DNAH2: variants seen among roughly 807,000 people sequenced by gnomAD.
DNAH2 encodes the protein axonemal beta dynein heavy chain 2.
DNAH2 carries 323 observed loss-of-function variants against 523.5 expected under a neutral mutation model. The observed-to-expected ratio is 0.62, with a 90% CI of 0.56 to 0.68. DNAH2 has a LOEUF of 0.68. Ranked by LOEUF, DNAH2 falls within the 30% of genes least tolerant of loss-of-function variation. The pLI is 0.00. For missense variants in DNAH2, 4,907 were observed against 5,701.5 expected, an observed-to-expected ratio of 0.86 and a Z score of 4.49; for synonymous variants, 2,093 against 2,177.4, an observed-to-expected ratio of 0.96 and a Z score of 1.08.
In DNAH2 at chr17:7,768,068, A is replaced by G; in HGVS notation, c.3837+7A>G. 1 of 1,614,088 alleles carries G rather than the reference A, an allele frequency of 6.2e-7. No individual in the cohort carries two copies. Among genetic ancestry groups the G allele is most frequent in the Non-Finnish European group, 8.5e-7 (1 of 1,179,992 alleles). On this transcript the variant is annotated splice_region_variant and intron_variant, in intron 23 of 85. Transcript: ENST00000572933. ...ATTAGCCAAAGAGTATAAGGTGGGG[A>G]GAAACGGCGGGGAGGCGGAAGAGAA... is the stretch of plus-strand genomic sequence containing the variant.
At chr17:7,823,700 T>G (rs2077932710) in intron 74 of DNAH2, 72 bp downstream of exon 74, 2 of 1,585,806 alleles carry the variant, frequency 1.3e-6, no homozygotes, top group South Asian at 2.3e-5. Flanking sequence ...CCCTTCCCAT[T>G]GTCCTCCATC....
chr17:7,742,876 C>CCA, intron 11 of DNAH2, 52 bp from the exon 12 acceptor site: 1 of 1,246,874 alleles, frequency 8.0e-7, no homozygotes, highest in South Asian at 3.3e-5. Context: ...GATGGTGGCC[C>CCA]CTGGAGGAAG....
In DNAH2 at chr17:7,789,603, G is replaced by GTC. The variant is rs1334279233; in HGVS notation, c.6900+1362_6900+1363dup. On this transcript the variant is annotated intron_variant, in intron 44 of 85. Transcript: ENST00000572933. ...TCTTTTTTTTTTTTTTTGAGATGGA[G>GTC]TCTCACTCCTTTGCCCAGGCTGGAG... 2.1e-5 allele frequency among the ~76,000 whole-genome samples: 3 copies of GTC among 146,218 alleles called. No individual in the cohort carries two copies. In the East Asian group the frequency reaches 6.0e-4, roughly 29 times the overall value.
intron 8 of DNAH2, chr17:7,738,778 C>A: frequency 1.8e-6 from 1 of 562,608 alleles, no homozygotes; most frequent in Non-Finnish European, 3.2e-6. Flanking sequence ...GTTCTTCTCA[C>A]CTTGAGTCTT....
chr17:7,822,451 C>T (rs1004819065), intron 73 of DNAH2, among the ~76,000 whole-genome samples: 1 of 152,148 alleles, frequency 6.6e-6, no homozygotes, highest in South Asian at 2.1e-4. Flanking sequence ...GCCTACTCCC[C>T]GGCGTGTGCA....
rs2077309677 is a variant in DNAH2, at chr17:7,804,455, G to A, written c.9172G>A (p.Glu3058Lys). The A allele has an allele frequency of 1.2e-6, 2 of 1,613,516 alleles. No homozygotes were observed. The highest frequency in any genetic ancestry group is 8.5e-7 in the Non-Finnish European group (1 of 1,180,012). The stretch of plus-strand genomic sequence containing the variant: ...TGTGCAGCAGAAGCGGGAGGCAGAT[G>A]AGCAGCAGAAGGTCCAGGGCCCACG... ...IIVQQKREAD[E>K]QQKAVTANSE... Residue 3058 changes from glutamate (E) to lysine (K), a missense_variant, in exon 59 of 86, where the codon GAG becomes AAG. Glu to Lys is a moderately conservative substitution (Grantham distance 56). This residue lies in a region of DNAH2 where 1,851 missense variants were observed against 2,139.4 expected (regional missense o/e 0.87). Transcript: ENST00000572933.
At chr17:7,813,787 A>G (rs1280190848) in intron 63 of DNAH2, among the ~76,000 whole-genome samples, 1 of 152,058 alleles carries the variant, frequency 6.6e-6, no homozygotes, top group African/African-American at 2.4e-5. Context: ...GCACACCTGT[A>G]ATCCCAGCTA....
At position 7,799,178 on chromosome 17, in the gene DNAH2, A is replaced by G. The variant is rs1276054661; in HGVS notation, c.8635A>G (p.Ile2879Val). Residue 2879 changes from isoleucine (I) to valine (V), a missense_variant, in exon 56 of 86, where the codon ATT (isoleucine) becomes GTT (valine). Around this residue, in one of 3 missense-constraint regions of DNAH2, gnomAD observed 1,851 missense variants for 2,139.4 expected, o/e 0.87. Transcript: ENST00000572933. Reference protein sequence around the residue: ...ESSDSLFAYLIERVQNNLHIV... With the variant: ...ESSDSLFAYLVERVQNNLHIV... ...ATCGGACAGCCTCTTCGCCTACCTC[A>G]TTGAACGCGTGCAGAACAACCTGCA... is the stretch of plus-strand genomic sequence containing the variant. 13 of 1,614,046 alleles carry G rather than the reference A, an allele frequency of 8.1e-6. No homozygotes were observed. In the African/African-American group the frequency reaches 1.3e-4, roughly 17 times the overall value.
intron 39 of DNAH2, among the ~76,000 whole-genome samples, chr17:7,784,632 T>C (rs1206684231): frequency 6.6e-6 from 1 of 152,138 alleles, no homozygotes; most frequent in Non-Finnish European, 1.5e-5. Flanking sequence ...AAAAGGAAAA[T>C]TGATGACTAT....
chr17:7,735,284 C>T (rs2075108762), intron 7 of DNAH2, among the ~76,000 whole-genome samples: 1 of 151,604 alleles, frequency 6.6e-6, no homozygotes, highest in Non-Finnish European at 1.5e-5. Context: ...GTGCCCGCCA[C>T]CAAGCCTGGC....
rs1597565127 is a variant in DNAH2, at chr17:7,760,298, T to G, written c.2785+360T>G. 6.6e-6 allele frequency among the ~76,000 whole-genome samples: 1 copy of G among 151,162 alleles called. No individual in the cohort carries two copies. Among genetic ancestry groups the G allele is most frequent in the Non-Finnish European group, 1.5e-5 (1 of 67,824 alleles). ...CAAAGAATCACCCCGGAGGCGGAGG[T>G]TGCAGTGAGCGGAGATCATGCCACT... On this transcript the variant is annotated intron_variant, in intron 17 of 85. Transcript: ENST00000572933. The surrounding 1 kb of genome is among the most constrained non-coding windows in gnomAD (Gnocchi z 4.0).
At chr17:7,777,128 C>CAAAA (rs748410853) in intron 32 of DNAH2, among the ~76,000 whole-genome samples, 1 of 87,974 alleles carries the variant, frequency 1.1e-5, no homozygotes, top group Non-Finnish European at 2.5e-5. Context: ...GACTCTGTCT[C>CAAAA]AAAAAAAAAA....
At chr17:7,766,606 C>A in intron 22 of DNAH2, 125 bp downstream of exon 22, 17 of 586,860 alleles carry the variant, frequency 2.9e-5, no homozygotes, top group East Asian at 4.7e-5. Flanking sequence ...TTGTTTGTTT[C>A]AGTTGAGGTA....
rs2076743353 is a variant in DNAH2 at position 7,786,662 on chromosome 17, C to A, written c.6441C>A (p.Ser2147=). 4 of 1,613,978 alleles carry A rather than the reference C, an allele frequency of 2.5e-6. No individual in the cohort carries two copies. The East Asian group carries it at 8.9e-5, about 36-fold the overall frequency. Residue 2147 remains serine (S), a synonymous_variant, in exon 41 of 86, where the codon TCC becomes TCA. Coordinates refer to ENST00000572933, the MANE Select transcript of DNAH2 (RefSeq NM_020877.5). This position sits in a 1 kb window ranked among gnomAD's most constrained non-coding sequence, Gnocchi z 7.5. ...STNEWTDGIL[S]SVMRTACADE... is the part of the protein sequence containing the mutation. ...ATGAATGGACAGATGGCATCTTGTC[C>A]AGTGTCATGCGGACGGCATGTGCAG... is the stretch of plus-strand genomic sequence containing the variant.
rs1042804354 is a variant in DNAH2 at position 7,719,797 on chromosome 17, G to A, written c.63G>A (p.Trp21Ter). ...LSGRGSSQASWSGRATRAAVA... is the reference protein window; with the variant it reads ...LSGRGSSQAS ...GCCGAGGAAGCTCCCAGGCAAGCTG[G>A]TCAGGGCGGGCCACTCGGGCTGCTG... Residue 21 changes from tryptophan to a stop codon, truncating the protein, a stop_gained, in exon 2 of 86, where the codon TGG becomes TGA. Coordinates refer to ENST00000572933, the MANE Select transcript of DNAH2 (RefSeq NM_020877.5). LOFTEE classifies it high-confidence loss of function. 3 of 1,613,898 alleles carry A rather than the reference G, an allele frequency of 1.9e-6. No individual in the cohort carries two copies. Among genetic ancestry groups the A allele is most frequent in the Non-Finnish European group, 2.5e-6 (3 of 1,179,974 alleles).
Position 7,787,244 on chromosome 17 carries a change from T to A in DNAH2, c.6603+211T>A, listed in dbSNP as rs907706027. On this transcript the variant is annotated intron_variant, in intron 42 of 85. Coordinates refer to ENST00000572933, the MANE Select transcript of DNAH2 (RefSeq NM_020877.5). ...GAGAACAATGATAAGAAAAACACCCTCTGTTGTAAGCACTGTGTAGGCTTG... is the reference window on the plus strand; with the variant it reads ...GAGAACAATGATAAGAAAAACACCCACTGTTGTAAGCACTGTGTAGGCTTG... 16 of 659,438 alleles carry A rather than the reference T, an allele frequency of 2.4e-5. No individual in the cohort carries two copies. The African/African-American group carries it at 2.9e-4, about 12-fold the overall frequency. 40.8% of individuals were successfully genotyped at this position (659,438 alleles called of 1,614,324 possible).
chr17:7,790,211 A>C (rs2076859369), intron 44 of DNAH2, among the ~76,000 whole-genome samples: 1 of 152,164 alleles, frequency 6.6e-6, no homozygotes, highest in Non-Finnish European at 1.5e-5. Context: ...TGCTCTTTCC[A>C]TTATTAAGTT....
intron 5 of DNAH2, 103 bp from the exon 6 acceptor site, chr17:7,734,080 T>C: frequency 1.0e-6 from 1 of 956,498 alleles, no homozygotes; most frequent in Non-Finnish European, 1.6e-6. Flanking sequence ...TCTCCTGAAA[T>C]GCATATGCTT....
intron 28 of DNAH2, among the ~76,000 whole-genome samples, chr17:7,774,492 A>G (rs1407196994): frequency 6.6e-6 from 1 of 152,230 alleles, no homozygotes; most frequent in Non-Finnish European, 1.5e-5. Flanking sequence ...ATAAGGGGGA[A>G]TTACTGTATT....
Sources: gnomAD v4.1 joint callset for allele counts (sites outside exome capture counted in the v4.1 genomes callset) on GRCh38, gnomAD v4.1.1 for gene constraint, gnomAD v4.1.1 regional missense constraint, Gnocchi (gnomAD v3.1) non-coding constraint, MANE v1.5 for transcripts, NCBI Gene and HGNC (gene_info 2026-07-23, HGNC 2026-07-21) for gene names.